The following MED12L variants were observed in gnomAD, a reference collection of about 807,000 sequenced individuals.
MED12L encodes the protein mediator of RNA polymerase II transcription subunit 12-like protein.
Under a neutral mutation model 281.3 loss-of-function variants are expected in MED12L, and 60 were observed. The ratio of observed to expected loss-of-function variants is 0.21; its 90% CI spans 0.17 to 0.26. The LOEUF is 0.26. MED12L is among the 10% of genes least tolerant of loss of function. MED12L has a pLI of 1.00. For missense variants in MED12L, 2,146 were observed against 2,680.9 expected (o/e 0.80, Z 4.41); for synonymous variants, 974 against 987.2 (o/e 0.99, Z 0.25).
At chr3:151,422,653 A>C (rs1718383938) in intron 43 of MED12L, among the ~76,000 whole-genome samples, 1 of 152,160 alleles carries the variant, frequency 6.6e-6, no homozygotes, top group African/African-American at 2.4e-5. Flanking sequence ...GTTTCTAAAT[A>C]AGGTCACATT....
chr3:151,256,849 GT>G (rs527914597), intron 16 of MED12L, among the ~76,000 whole-genome samples: 6 of 138,812 alleles, frequency 4.3e-5, no homozygotes, highest in East Asian at 4.2e-4. Context: ...AATGACAGAG[GT>G]TTTTTTTTTG....
At chr3:151,431,047 C>CG (rs1253934639) in intron 44 of MED12L, among the ~76,000 whole-genome samples, 2 of 152,242 alleles carry the variant, frequency 1.3e-5, no homozygotes, top group South Asian at 2.1e-4. Flanking sequence ...TGAATTGAAT[C>CG]ACCCCTGGGC....
At chr3:151,405,789 G>A (rs1716228807) in intron 39 of MED12L, among the ~76,000 whole-genome samples, 2 of 152,126 alleles carry the variant, frequency 1.3e-5, no homozygotes, top group South Asian at 4.1e-4. Flanking sequence ...TACTAATGCT[G>A]GCAGGAAGAA....
At position 151,159,906 on chromosome 3, in the gene MED12L, G is replaced by A; in HGVS notation, c.912G>A (p.Leu304=). ...ACTTTTGTGCCCGGCGTCTTTCCTT[G>A]CTGCTGAGCGATAGCCCCAACCTCC... ...LAYFCARRLS[L]LLSDSPNLLA... The change falls in exon 8 of 45, where the codon TTG becomes TTA. Residue 304 remains leucine, a synonymous_variant. Transcript: ENST00000687756. 1.2e-6 allele frequency: 2 copies of A among 1,614,172 alleles called. No individual in the cohort carries two copies. The highest frequency in any genetic ancestry group is 1.7e-6 in the Non-Finnish European group (2 of 1,180,042).
chr3:151,134,187 TG>T (rs112165379), intron 5 of MED12L, among the ~76,000 whole-genome samples: 3 of 132,488 alleles, frequency 2.3e-5, no homozygotes, highest in Admixed American at 7.2e-5. Flanking sequence ...GTTGTGGGGT[TG>T]TTTTTTTTTT....
intron 11 of MED12L, among the ~76,000 whole-genome samples, chr3:151,174,634 TTG>T (rs2149025370): frequency 6.6e-6 from 1 of 152,370 alleles, no homozygotes; most frequent in East Asian, 1.9e-4. Flanking sequence ...TTAGGAAAAC[TTG>T]TCCCTTTCTC....
At chr3:151,100,784 G>A (rs1456295095) in intron 2 of MED12L, among the ~76,000 whole-genome samples, 1 of 152,114 alleles carries the variant, frequency 6.6e-6, no homozygotes, top group African/African-American at 2.4e-5. Context: ...CTGCTTTTAA[G>A]TTATTGACTA....
intron 33 of MED12L, among the ~76,000 whole-genome samples, chr3:151,383,458 G>C (rs1034345743): frequency 6.6e-6 from 1 of 152,158 alleles, no homozygotes; most frequent in Admixed American, 6.5e-5. Flanking sequence ...CATTATTCAG[G>C]TTTAATTCAA....
intron 5 of MED12L, among the ~76,000 whole-genome samples, chr3:151,138,931 A>C (rs1246122794): frequency 6.6e-6 from 1 of 152,094 alleles, no homozygotes; most frequent in African/African-American, 2.4e-5. Context: ...CCTTGAGGGC[A>C]GAGTATCTAC....
intron 11 of MED12L, among the ~76,000 whole-genome samples, chr3:151,182,561 G>T (rs149239074): frequency 6.6e-6 from 1 of 152,092 alleles, no homozygotes. Flanking sequence ...TGTGAAACTC[G>T]GGGGTAAGGA....
At chr3:151,138,178 C>CT (rs201689976) in intron 5 of MED12L, among the ~76,000 whole-genome samples, 29 of 150,692 alleles carry the variant, frequency 1.9e-4, no homozygotes, top group Middle Eastern at 3.4e-3. Context: ...GATACCTTGC[C>CT]TTTTTTTTTA....
chr3:151,164,742 T>G (rs892649074), intron 9 of MED12L, among the ~76,000 whole-genome samples: 6 of 151,480 alleles, frequency 4.0e-5, no homozygotes, highest in Non-Finnish European at 7.4e-5. Flanking sequence ...AGCAAACTAT[T>G]GCAAGGACAA....
Position 151,369,465 on chromosome 3 carries a change from T to C in MED12L, c.3580T>C (p.Cys1194Arg), listed in dbSNP as rs1407023255. Residue 1194 changes from cysteine to arginine, a missense_variant, in exon 26 of 45, where the codon TGT (cysteine) becomes CGT (arginine). Around this residue, in one of 9 missense-constraint regions of MED12L, gnomAD observed 404 missense variants for 603.5 expected, o/e 0.67. Coordinates refer to ENST00000687756, the MANE Select transcript of MED12L (RefSeq NM_001393769.1). ...GKPFPGIRSS[C>R]DRHLLAAAHN... Reference sequence around the variant, plus strand: ...ACCTTTCCCTGGAATAAGATCATCTTGTGATAGACACCTCTTAGCCGCTGC... The same window carrying C: ...ACCTTTCCCTGGAATAAGATCATCTCGTGATAGACACCTCTTAGCCGCTGC... 2.5e-6 allele frequency: 4 copies of C among 1,609,918 alleles called. No individual in the cohort carries two copies. Among genetic ancestry groups the C allele is most frequent in the South Asian group, 1.1e-5 (1 of 90,502 alleles).
intron 16 of MED12L, among the ~76,000 whole-genome samples, chr3:151,301,596 TA>T (rs1383951083): frequency 6.6e-6 from 1 of 152,140 alleles, no homozygotes; most frequent in Non-Finnish European, 1.5e-5. Flanking sequence ...GAACCCAATT[TA>T]AAAAAGGTCA....
chr3:151,411,875 A>G (rs17283059), intron 41 of MED12L, among the ~76,000 whole-genome samples: 46,014 of 152,118 alleles, frequency 0.3, 7,744 homozygotes, highest in Non-Finnish European at 0.38. Flanking sequence ...CCTTACTACA[A>G]TTTGTTGATT....
intron 2 of MED12L, among the ~76,000 whole-genome samples, chr3:151,088,116 A>AAG (rs1719528094): frequency 1.3e-5 from 2 of 152,214 alleles, no homozygotes; most frequent in Admixed American, 1.3e-4. Flanking sequence ...TGATAAGTGT[A>AAG]TCTTTCATTA....
rs535211489 is a variant in MED12L at position 151,250,748 on chromosome 3, T to G, written c.2250+57082T>G. ...GAAAGTGGGTATACAAATATCTGCTTAAGACCCTACTTTCAGTTCTTTTGG... is the reference window on the plus strand; with the variant it reads ...GAAAGTGGGTATACAAATATCTGCTGAAGACCCTACTTTCAGTTCTTTTGG... On this transcript the variant is annotated intron_variant, in intron 16 of 44. Coordinates refer to ENST00000687756, the MANE Select transcript of MED12L (RefSeq NM_001393769.1). Among the ~76,000 whole-genome samples, 21 of 152,330 alleles carry G rather than the reference T, an allele frequency of 1.4e-4. No homozygotes were observed. In the South Asian group the frequency reaches 4.1e-3, roughly 30 times the overall value.
At chr3:151,262,613 A>G (rs1739114330) in intron 16 of MED12L, among the ~76,000 whole-genome samples, 1 of 152,250 alleles carries the variant, frequency 6.6e-6, no homozygotes, top group African/African-American at 2.4e-5. Context: ...TAAGGGATGC[A>G]TGGGCAATGT....
chr3:151,133,695 T>C (rs759274545), intron 5 of MED12L, among the ~76,000 whole-genome samples: 3 of 152,142 alleles, frequency 2.0e-5, no homozygotes, highest in Non-Finnish European at 4.4e-5. Flanking sequence ...CCAGAAATAA[T>C]GCATGTTCGG....
Sources: allele counts gnomAD v4.1 joint callset (sites outside exome capture counted in the v4.1 genomes callset), GRCh38; gene constraint gnomAD v4.1.1; regional missense constraint gnomAD v4.1.1; transcripts MANE v1.5; gene names NCBI Gene and HGNC (gene_info 2026-07-23, HGNC 2026-07-21).